AGBL4: variants seen among roughly 807,000 people sequenced by gnomAD.
AGBL4 encodes AGBL carboxypeptidase 4.
In AGBL4, 58 loss-of-function variants were observed where a neutral mutation model predicts 66.4. The observed-to-expected ratio is 0.87, with a 90% CI of 0.71 to 1.09. The LOEUF (loss-of-function observed/expected upper bound fraction) is 1.09. Ranked by LOEUF, AGBL4 falls within the 50% of genes least tolerant of loss-of-function variation. The pLI is 0.00. For missense variants in AGBL4, 579 were observed against 631.0 expected (o/e 0.92, Z 0.88); for synonymous variants, 234 against 222.9 (o/e 1.05, Z -0.44).
chr1:49,018,273 C>T (rs1048864294), intron 5 of AGBL4, among the ~76,000 whole-genome samples: 4 of 152,138 alleles, frequency 2.6e-5, no homozygotes, highest in African/African-American at 9.7e-5. Context: ...AGAAGGCACA[C>T]GTGAGGTGAG....
rs142074332 is a variant in AGBL4 at position 48,958,593 on chromosome 1, C to T, written c.594+86991G>A. ...TTACAATCTTTACAGCAAGGGAAGTCCTGGTCTTGGTCTCCCACATCAGGA... is the reference window on the plus strand; with the variant it reads ...TTACAATCTTTACAGCAAGGGAAGTTCTGGTCTTGGTCTCCCACATCAGGA... On this transcript the variant is annotated intron_variant, in intron 5 of 13. Coordinates refer to ENST00000371839, the MANE Select transcript of AGBL4 (RefSeq NM_032785.4). 2.6e-5 allele frequency among the ~76,000 whole-genome samples: 4 copies of T among 152,346 alleles called. No individual in the cohort carries two copies. In the South Asian group the frequency reaches 6.2e-4, roughly 24 times the overall value.
chr1:48,644,101 A>G (rs555032627), intron 8 of AGBL4, among the ~76,000 whole-genome samples: 2 of 152,238 alleles, frequency 1.3e-5, no homozygotes, highest in South Asian at 4.2e-4. Context: ...AGTATGACTC[A>G]TTATCACTCC....
chr1:49,208,394 C>A (rs1360116794), intron 4 of AGBL4, among the ~76,000 whole-genome samples: 1 of 152,038 alleles, frequency 6.6e-6, no homozygotes, highest in Non-Finnish European at 1.5e-5. Context: ...TTAGGTCATA[C>A]CCTATCAGCA....
At chr1:48,799,642 T>C (rs1404042031) in intron 6 of AGBL4, among the ~76,000 whole-genome samples, 1 of 152,192 alleles carries the variant, frequency 6.6e-6, no homozygotes, top group Non-Finnish European at 1.5e-5. Context: ...TTGTCATAGA[T>C]AGCTTTTATT....
intron 3 of AGBL4, among the ~76,000 whole-genome samples, chr1:49,395,423 G>C (rs1644937265): frequency 6.6e-6 from 1 of 151,812 alleles, no homozygotes; most frequent in Admixed American, 6.6e-5. Context: ...ATGAGATTGA[G>C]AGAAGTACAA....
intron 4 of AGBL4, among the ~76,000 whole-genome samples, chr1:49,225,786 T>C (rs1006894653): frequency 2.6e-5 from 4 of 152,124 alleles, no homozygotes; most frequent in Admixed American, 2.6e-4. Flanking sequence ...CAAGAGCTAG[T>C]GGTCACCAAG....
chr1:49,287,785 C>A (rs1427525799), intron 3 of AGBL4, among the ~76,000 whole-genome samples: 2 of 140,366 alleles, frequency 1.4e-5, no homozygotes, highest in African/African-American at 2.7e-5. Context: ...ACTAGTTCAA[C>A]CATTGTGGAA....
chr1:49,532,893 G>T (rs1651251332), intron 3 of AGBL4, among the ~76,000 whole-genome samples: 1 of 150,880 alleles, frequency 6.6e-6, no homozygotes, highest in Admixed American at 6.6e-5. Flanking sequence ...TACTGTTATG[G>T]TTTCAGGAAA....
At chr1:50,008,520 C>T (rs1661304000) in intron 1 of AGBL4, among the ~76,000 whole-genome samples, 1 of 151,728 alleles carries the variant, frequency 6.6e-6, no homozygotes, top group Non-Finnish European at 1.5e-5. Context: ...ACTAGCAGTA[C>T]TAAGAGGAGA....
chr1:49,775,545 T>C (rs1328693305), intron 2 of AGBL4, among the ~76,000 whole-genome samples: 3 of 152,064 alleles, frequency 2.0e-5, no homozygotes, highest in African/African-American at 7.2e-5. Flanking sequence ...AAAAGATAAA[T>C]TTTTCCCCAA....
At chr1:48,901,816 T>G (rs539159136) in intron 5 of AGBL4, among the ~76,000 whole-genome samples, 1 of 152,222 alleles carries the variant, frequency 6.6e-6, no homozygotes, top group African/African-American at 2.4e-5. Context: ...GGTGGTATAT[T>G]GTTTATAATT....
chr1:49,526,904 C>T (rs1022847128), intron 3 of AGBL4, among the ~76,000 whole-genome samples: 4 of 152,220 alleles, frequency 2.6e-5, no homozygotes, highest in Middle Eastern at 3.4e-3. Context: ...AGAAAAAGTA[C>T]ATTTTCTGAT....
intron 1 of AGBL4, among the ~76,000 whole-genome samples, chr1:49,931,864 A>G (rs1389413042): frequency 6.6e-6 from 1 of 152,192 alleles, no homozygotes; most frequent in Non-Finnish European, 1.5e-5. Context: ...TAACTTCCAG[A>G]TATATTATGA....
chr1:49,882,849 A>T (rs551043904), intron 1 of AGBL4, among the ~76,000 whole-genome samples: 7 of 152,158 alleles, frequency 4.6e-5, no homozygotes, highest in Non-Finnish European at 1.0e-4. Flanking sequence ...TGTTTTAATA[A>T]TGATGCAAGA....
At chr1:48,915,459 T>C (rs887731237) in intron 5 of AGBL4, among the ~76,000 whole-genome samples, 2 of 152,228 alleles carry the variant, frequency 1.3e-5, no homozygotes, top group African/African-American at 4.8e-5. Context: ...TATTTTCCTA[T>C]TTGTTTATAT....
At chr1:48,604,969 C>T (rs1365806237) in intron 9 of AGBL4, among the ~76,000 whole-genome samples, 1 of 152,192 alleles carries the variant, frequency 6.6e-6, no homozygotes, top group Non-Finnish European at 1.5e-5. Context: ...TCTTTTCTGG[C>T]TCTTTGAATT....
intron 3 of AGBL4, among the ~76,000 whole-genome samples, chr1:49,660,285 G>A (rs912441968): frequency 1.3e-5 from 2 of 152,060 alleles, no homozygotes; most frequent in African/African-American, 4.8e-5. Context: ...ATTAAAAAGT[G>A]GGCAAAGGAC....
At chr1:49,530,284 T>TAAAAAAAAAAAAAAAAAAAAAA (rs1570959521) in intron 3 of AGBL4, among the ~76,000 whole-genome samples, 1 of 35,782 alleles carries the variant, frequency 2.8e-5, no homozygotes, top group African/African-American at 1.1e-4. Flanking sequence ...AAAAAAAAAC[T>TAAAAAAAAAAAAAAAAAAAAAA]CTATGAGTTT....
intron 3 of AGBL4, among the ~76,000 whole-genome samples, chr1:49,601,350 T>C (rs1016994607): frequency 1.3e-5 from 2 of 152,040 alleles, no homozygotes; most frequent in Admixed American, 6.6e-5. Context: ...TTTTTTCTAA[T>C]CTTATCTTCA....
Sources: gnomAD v4.1 joint callset for allele counts (sites outside exome capture counted in the v4.1 genomes callset) on GRCh38, gnomAD v4.1.1 for gene constraint, MANE v1.5 for transcripts, NCBI Gene and HGNC (gene_info 2026-07-23, HGNC 2026-07-21) for gene names.